Variants in PVR observed in about 807,000 individuals in gnomAD.
PVR encodes PVR cell adhesion molecule.
A neutral mutation model predicts 43.3 loss-of-function variants in PVR; 39 were observed. That is an observed-to-expected ratio of 0.90 (90% CI 0.70 to 1.18). The LOEUF (loss-of-function observed/expected upper bound fraction) is 1.18. Ranked by LOEUF, PVR falls within the 50% of genes most tolerant of loss-of-function variation. PVR has a pLI of 0.00. For synonymous variants in PVR, 224 were observed against 233.2 expected (o/e 0.96, Z 0.36); for missense variants, 480 against 549.7 (o/e 0.87, Z 1.27).
chr19:44,653,015 T>G (rs1973324834), intron 3 of PVR, among the ~76,000 whole-genome samples: 1 of 152,152 alleles, frequency 6.6e-6, no homozygotes. Flanking sequence ...GGTGCCATAT[T>G]GGACAGCACA....
At chr19:44,644,957 ATATTATATATTAT>A (rs951985952) in intron 1 of PVR, among the ~76,000 whole-genome samples, 4 of 129,970 alleles carry the variant, frequency 3.1e-5, no homozygotes, top group Non-Finnish European at 4.7e-5. Context: ...ATAAATATAT[ATATTATATATTAT>A]TATTATATAT....
chr19:44,660,846 T>G (rs530228917), intron 6 of PVR, among the ~76,000 whole-genome samples: 1 of 152,190 alleles, frequency 6.6e-6, no homozygotes, highest in Non-Finnish European at 1.5e-5. Context: ...TTTTATCTGT[T>G]TTGTTCACAG....
At chr19:44,651,555 G>A (rs567192339) in intron 3 of PVR, among the ~76,000 whole-genome samples, 1 of 152,132 alleles carries the variant, frequency 6.6e-6, no homozygotes, top group East Asian at 1.9e-4. Flanking sequence ...GAGTCCCCCA[G>A]TGTAGTCTCC....
intron 3 of PVR, among the ~76,000 whole-genome samples, chr19:44,651,027 C>T (rs1171137016): frequency 6.6e-6 from 1 of 152,078 alleles, no homozygotes. Context: ...AGCCACCATG[C>T]CCGGCTAATT....
At chr19:44,651,245 C>T (rs901867170) in intron 3 of PVR, among the ~76,000 whole-genome samples, 3 of 152,162 alleles carry the variant, frequency 2.0e-5, no homozygotes, top group African/African-American at 7.2e-5. Flanking sequence ...ACCCCATTGT[C>T]TACACCACCT....
intron 1 of PVR, among the ~76,000 whole-genome samples, chr19:44,644,429 G>C (rs903682444): frequency 3.3e-5 from 5 of 152,202 alleles, no homozygotes; most frequent in Non-Finnish European, 7.3e-5. Context: ...TCGGGCACAA[G>C]ACCCTCCTCT....
intron 6 of PVR, 64 bp from the exon 7 acceptor site, chr19:44,661,228 A>G: frequency 1.3e-6 from 2 of 1,498,594 alleles, no homozygotes; most frequent in Non-Finnish European, 9.3e-7. Flanking sequence ...ACACCCAGGC[A>G]TGTCTTCTTC....
rs1468817823 is a variant in PVR, at chr19:44,662,165, A to G, written c.*354A>G. 3.8e-6 allele frequency: 1 copy of G among 264,368 alleles called. No homozygotes were observed. The highest frequency in any genetic ancestry group is 7.0e-5 in the East Asian group (1 of 14,376). 16.4% of individuals were successfully genotyped at this position (264,368 alleles called of 1,614,324 possible). Reference sequence around the variant, plus strand: ...CCTCTCCCAGTGGAGCCATATAGGCAGCACCTGATTCTCACAGCAACATGT... The same window carrying G: ...CCTCTCCCAGTGGAGCCATATAGGCGGCACCTGATTCTCACAGCAACATGT... On this transcript the variant is annotated 3_prime_UTR_variant, in exon 8 of 8. Coordinates refer to ENST00000425690, the MANE Select transcript of PVR (RefSeq NM_006505.5).
intron 1 of PVR, among the ~76,000 whole-genome samples, chr19:44,645,875 G>C (rs1314932747): frequency 1.3e-5 from 2 of 152,126 alleles, no homozygotes. Context: ...AATAAGCGCT[G>C]TCACATTTTG....
intron 1 of PVR, 101 bp from the exon 2 acceptor site, chr19:44,647,122 C>T: frequency 5.1e-6 from 4 of 781,206 alleles, no homozygotes; most frequent in South Asian, 1.9e-5. Flanking sequence ...TCCAGGGCCC[C>T]AGCGTGCAAG....
chr19:44,661,820 G>C lies in PVR; in HGVS notation c.*9G>C. On this transcript the variant is annotated 3_prime_UTR_variant, in exon 8 of 8. Transcript: ENST00000425690. Reference sequence around the variant, plus strand: ...CAGAGGGCACAAGGTGACAGCGTCGGGACTGAGAGGGGAGAGAGACTGGAG... The same window carrying C: ...CAGAGGGCACAAGGTGACAGCGTCGCGACTGAGAGGGGAGAGAGACTGGAG... 4 of 1,613,302 alleles carry C rather than the reference G, an allele frequency of 2.5e-6. No individual in the cohort carries two copies. Among genetic ancestry groups the C allele is most frequent in the Non-Finnish European group, 3.4e-6 (4 of 1,179,600 alleles).
At chr19:44,650,328 G>C (rs577658556) in intron 3 of PVR, among the ~76,000 whole-genome samples, 1 of 152,232 alleles carries the variant, frequency 6.6e-6, no homozygotes, top group South Asian at 2.1e-4. Context: ...CATAGTCAAT[G>C]CTGGTACCCA....
chr19:44,652,546 G>C (rs188039277), intron 3 of PVR, among the ~76,000 whole-genome samples: 7 of 152,284 alleles, frequency 4.6e-5, no homozygotes, highest in Admixed American at 2.0e-4. Flanking sequence ...ACAGTGCCCA[G>C]CTAATTTTTG....
Position 44,644,106 on chromosome 19 carries a change from G to A in PVR, c.10G>A (p.Ala4Thr), listed in dbSNP as rs1214642753. MAR[A>T]MAAAWPLLLV... ...GCTCGGAGCAACTGGCATGGCCCGA[G>A]CCATGGCCGCCGCGTGGCCGCTGCT... Residue 4 changes from alanine to threonine, a missense_variant, in exon 1 of 8, where the codon GCC becomes ACC. Coordinates refer to ENST00000425690, the MANE Select transcript of PVR (RefSeq NM_006505.5). The A allele has an allele frequency of 1.3e-6, 2 of 1,517,992 alleles. No individual in the cohort carries two copies. The highest frequency in any genetic ancestry group is 1.8e-6 in the Non-Finnish European group (2 of 1,138,842). The allele number at this position is 1,517,992 out of a possible 1,614,324, so 94.0% of individuals were successfully genotyped here. A position where few individuals can be genotyped will look rare whatever the true frequency, so the allele number is the denominator to read the frequency against.
At chr19:44,644,807 C>T (rs1254277887) in intron 1 of PVR, among the ~76,000 whole-genome samples, 1 of 149,454 alleles carries the variant, frequency 6.7e-6, no homozygotes, top group Non-Finnish European at 1.5e-5. Flanking sequence ...CCTCCTCCTC[C>T]CGAGTTCAAG....
chr19:44,652,447 G>A (rs1030148625), intron 3 of PVR, among the ~76,000 whole-genome samples: 2 of 152,074 alleles, frequency 1.3e-5, no homozygotes, highest in Admixed American at 6.5e-5. Flanking sequence ...GCAGTGGCAC[G>A]ATCTCAACTC....
In PVR at chr19:44,647,400, A is replaced by C. The variant is rs1300646921; in HGVS notation, c.257A>C (p.Tyr86Ser). The C allele has an allele frequency of 6.2e-7, 1 of 1,614,124 alleles. No homozygotes were observed. The highest frequency in any genetic ancestry group is 8.5e-7 in the Non-Finnish European group (1 of 1,179,994). The change falls in exon 2 of 8, where the codon TAT becomes TCT. Residue 86 changes from tyrosine (Y) to serine (S), a missense_variant. Coordinates refer to ENST00000425690, the MANE Select transcript of PVR (RefSeq NM_006505.5). ...AVFHQTQGPS[Y>S]SESKRLEFVA... ...TTCCACCAAACGCAGGGCCCCAGCT[A>C]TTCGGAGTCCAAACGGCTGGAATTC...
rs1042533568 is a variant in PVR at position 44,646,770 on chromosome 19, CA to C, written c.80-443del. On this transcript the variant is annotated intron_variant, in intron 1 of 7. Transcript: ENST00000425690. Reference sequence around the variant, plus strand: ...TGGGCGACAGAGAGAGACTCCGTCTCAAAAAAAAAAGAGAAGAAAAGAAAAA... The same window carrying C: ...TGGGCGACAGAGAGAGACTCCGTCTCAAAAAAAAAGAGAAGAAAAGAAAAA... Among the ~76,000 whole-genome samples, 785 of 142,804 alleles carry C rather than the reference CA, an allele frequency of 5.5e-3. 4 individuals carry two copies. The highest frequency in any genetic ancestry group is 0.019 in the African/African-American group (738 of 38,838). 93.7% of individuals were successfully genotyped at this position (142,804 alleles called of 152,430 possible).
At chr19:44,651,497 T>C (rs1442071210) in intron 3 of PVR, among the ~76,000 whole-genome samples, 3 of 152,158 alleles carry the variant, frequency 2.0e-5, no homozygotes, top group South Asian at 2.1e-4. Context: ...GCTAGTTGCA[T>C]TGATCTTCTC....
Sources: gnomAD v4.1 joint callset for allele counts (sites outside exome capture counted in the v4.1 genomes callset) on GRCh38, gnomAD v4.1.1 for gene constraint, MANE v1.5 for transcripts, NCBI Gene and HGNC (gene_info 2026-07-23, HGNC 2026-07-21) for gene names.